The following TIAM1 variants were observed in gnomAD, a reference collection of about 807,000 sequenced individuals.
The protein encoded by TIAM1 is rho guanine nucleotide exchange factor TIAM1.
TIAM1 carries 65 observed loss-of-function variants against 163.5 expected under a neutral mutation model. That is an observed-to-expected ratio of 0.40 (90% CI 0.33 to 0.49). The LOEUF is 0.49. TIAM1 is among the 20% of genes least tolerant of loss of function. The probability of loss-of-function intolerance (pLI) is 0.77; values close to 1 mark genes in which losing one functional copy is unlikely to be tolerated. For missense variants in TIAM1, 1,789 were observed against 2,044.7 expected (o/e 0.87, Z 2.41); for synonymous variants, 833 against 810.1 (o/e 1.03, Z -0.48).
rs191590984 is a variant in TIAM1, at chr21:31,363,671, G to A, written c.-368-24249C>T. Reference sequence around the variant, plus strand: ...TTTTCCAAATGCTGAATGATCACACGATGAATGTCTTAGATTTTTCTCTCT... The same window carrying A: ...TTTTCCAAATGCTGAATGATCACACAATGAATGTCTTAGATTTTTCTCTCT... On this transcript the variant is annotated intron_variant, in intron 2 of 28. Coordinates refer to the TIAM1 transcript ENST00000286827. Among the ~76,000 whole-genome samples the A allele has an allele frequency of 2.3e-3, 354 of 152,050 alleles. 2 individuals carry two copies. The highest frequency in any genetic ancestry group is 3.8e-3 in the Non-Finnish European group (255 of 67,996).
At chr21:31,164,935 T>C (rs990057354) in intron 16 of TIAM1, 27 bp downstream of exon 16, 11 of 1,605,506 alleles carry the variant, frequency 6.9e-6, no homozygotes, top group Non-Finnish European at 8.5e-6. Context: ...GTTCAAAGCA[T>C]GGGATGTGAA....
chr21:31,213,881 A>AAAAAAAAAAAAAAAAAAAAT (rs1223727241), intron 9 of TIAM1, among the ~76,000 whole-genome samples: 1 of 151,312 alleles, frequency 6.6e-6, no homozygotes, highest in African/African-American at 2.4e-5. Flanking sequence ...AAAAAAAAAA[A>AAAAAAAAAAAAAAAAAAAAT]AAAAGAATTA....
rs191035575 is a variant in TIAM1, at chr21:31,365,853, G to C, written c.-368-26431C>G. ...CACGGAGGCTTATGCCTGTAATCCCGGCACTTTGGAAGGCTCAGGCAGGTG... is the reference window on the plus strand; with the variant it reads ...CACGGAGGCTTATGCCTGTAATCCCCGCACTTTGGAAGGCTCAGGCAGGTG... On this transcript the variant is annotated intron_variant, in intron 2 of 28. Coordinates refer to the TIAM1 transcript ENST00000286827. Among the ~76,000 whole-genome samples the C allele has an allele frequency of 2.6e-5, 4 of 151,586 alleles. No individual in the cohort carries two copies. In the East Asian group the frequency reaches 7.8e-4, roughly 30 times the overall value.
rs2086759261 is a variant in TIAM1 at position 31,210,661 on chromosome 21, GAAAGAAAAA to G, written c.2218-455_2218-447del. Among the ~76,000 whole-genome samples the G allele has an allele frequency of 6.9e-4, 14 of 20,344 alleles. 1 individual carries two copies. Among genetic ancestry groups the G allele is most frequent in the African/African-American group, 3.3e-3 (13 of 3,952 alleles). 13.3% of individuals were successfully genotyped at this position (20,344 alleles called of 152,430 possible). A position where few individuals can be genotyped will look rare whatever the true frequency, so the allele number is the denominator to read the frequency against. Reference sequence around the variant, plus strand: ...AGAAAGAAAGAAAGAAAGAAAGAAAGAAAGAAAAAGAAAGAAAGAAAGAAAAAGAAAGAA... The same window carrying G: ...AGAAAGAAAGAAAGAAAGAAAGAAAGGAAAGAAAGAAAGAAAAAGAAAGAA... On this transcript the variant is annotated intron_variant, in intron 10 of 27. Transcript: ENST00000541036.
intron 2 of TIAM1, among the ~76,000 whole-genome samples, chr21:31,326,675 C>T (rs1002346134): frequency 5.3e-5 from 8 of 152,162 alleles, no homozygotes; most frequent in Admixed American, 2.0e-4. Flanking sequence ...AGGTAATACT[C>T]GGGAAGTATT....
rs896768323 is a variant in TIAM1 at position 31,118,611 on chromosome 21, G to C, written c.*1757C>G. ...CCAGACTTCCGAGTGTTTTCAGATG[G>C]ATGTGTTGCACTGGAGCCAGTAAAT... On this transcript the variant is annotated 3_prime_UTR_variant, in exon 28 of 28. Coordinates refer to ENST00000541036, the MANE Select transcript of TIAM1 (RefSeq NM_001353694.2). The C allele has an allele frequency of 6.4e-6, 3 of 471,446 alleles. No homozygotes were observed. The highest frequency in any genetic ancestry group is 1.3e-5 in the Non-Finnish European group (3 of 227,130). The allele number at this position is 471,446 out of a possible 1,614,324, so 29.2% of individuals were successfully genotyped here.
At chr21:31,422,205 CAAAGT>C (rs564742305) in intron 2 of TIAM1, among the ~76,000 whole-genome samples, 100 of 152,030 alleles carry the variant, frequency 6.6e-4, no homozygotes, top group Middle Eastern at 3.4e-3. Flanking sequence ...ACAAAAGTCT[CAAAGT>C]AAAGACAAGA....
Position 31,164,810 on chromosome 21 carries a change from AT to A in TIAM1, c.2991+151del. 4 of 672,784 alleles carry A rather than the reference AT, an allele frequency of 5.9e-6. No individual in the cohort carries two copies. The South Asian group carries it at 8.1e-5, about 14-fold the overall frequency. The allele number at this position is 672,784 out of a possible 1,614,324, so 41.7% of individuals were successfully genotyped here. On this transcript the variant is annotated intron_variant, in intron 16 of 27. Transcript: ENST00000541036. ...GTTTGTTACCAAGGCTATAATTTGG[AT>A]TTCATTTCCTGCTATTCAGCAACAT...
chr21:31,491,526 C>T (rs56071371), intron 1 of TIAM1, among the ~76,000 whole-genome samples: 48,356 of 152,092 alleles, frequency 0.32, 8,437 homozygotes, highest in East Asian at 0.71. Flanking sequence ...GACTTCCTGT[C>T]GGTCACCAAC....
In TIAM1 at chr21:31,453,051, A is replaced by T. The variant is rs140934642; in HGVS notation, c.-369+10932T>A. ...TCTCATTGGAGATCTTCTGGATCCA[A>T]TGTATCTGGGAGATATATTGGATCT... On this transcript the variant is annotated intron_variant, in intron 2 of 28. Coordinates refer to the TIAM1 transcript ENST00000286827. The T allele has an allele frequency of 8.1e-4, 356 of 439,462 alleles. 4 individuals carry two copies. Among genetic ancestry groups the T allele is most frequent in the East Asian group, 7.0e-3 (121 of 17,294 alleles). 27.2% of individuals were successfully genotyped at this position (439,462 alleles called of 1,614,324 possible).
chr21:31,461,798 T>C (rs903371607), intron 2 of TIAM1, among the ~76,000 whole-genome samples: 2 of 152,130 alleles, frequency 1.3e-5, no homozygotes, highest in Admixed American at 1.3e-4. Flanking sequence ...CCCGGCCAGC[T>C]GGGACCACAG....
chr21:31,461,855 C>T (rs929494812), intron 2 of TIAM1, among the ~76,000 whole-genome samples: 3 of 152,200 alleles, frequency 2.0e-5, no homozygotes, highest in South Asian at 2.1e-4. Context: ...TTTGTAGAGA[C>T]GGGGTCTCTC....
intron 12 of TIAM1, among the ~76,000 whole-genome samples, chr21:31,200,806 A>T (rs1002626959): frequency 9.9e-5 from 15 of 152,202 alleles, no homozygotes. Context: ...AAGTATCCAA[A>T]GGACAAAATA....
intron 2 of TIAM1, among the ~76,000 whole-genome samples, chr21:31,394,724 TCTCTCACACACACACACACA>T (rs2077029026): frequency 1.6e-5 from 2 of 128,796 alleles, no homozygotes; most frequent in South Asian, 3.0e-4. Context: ...TCTCTCTCTC[TCTCTCACACACACACACACA>T]CACACACACA....
chr21:31,324,704 C>A (rs2075428447), intron 2 of TIAM1, among the ~76,000 whole-genome samples: 1 of 152,138 alleles, frequency 6.6e-6, no homozygotes, highest in African/African-American at 2.4e-5. Flanking sequence ...ATCCACAGGG[C>A]CCCTAACATT....
intron 1 of TIAM1, among the ~76,000 whole-genome samples, chr21:31,496,806 G>T (rs1383735033): frequency 6.6e-6 from 1 of 151,610 alleles, no homozygotes. Context: ...CTTTCATTCT[G>T]TATTTTTGCT....
chr21:31,136,266 A>C (rs1054145169), intron 22 of TIAM1, among the ~76,000 whole-genome samples: 1 of 152,236 alleles, frequency 6.6e-6, no homozygotes, highest in Non-Finnish European at 1.5e-5. Context: ...TAAATATATA[A>C]AATTTTTACT....
intron 2 of TIAM1, among the ~76,000 whole-genome samples, chr21:31,304,252 G>A (rs1011398661): frequency 3.9e-5 from 6 of 152,154 alleles, no homozygotes; most frequent in Non-Finnish European, 8.8e-5. Flanking sequence ...AGAGGCATAA[G>A]AAATGGTAAA....
chr21:31,148,901 C>T (rs1300672828), intron 19 of TIAM1, among the ~76,000 whole-genome samples: 1 of 152,100 alleles, frequency 6.6e-6, no homozygotes, highest in Non-Finnish European at 1.5e-5. Flanking sequence ...CCTTCTGATA[C>T]TACCTTGAGA....
Sources: gnomAD v4.1 joint callset for allele counts (sites outside exome capture counted in the v4.1 genomes callset) on GRCh38, gnomAD v4.1.1 for gene constraint, MANE v1.5 for transcripts, NCBI Gene and HGNC (gene_info 2026-07-23, HGNC 2026-07-21) for gene names.